Variants in MYO9A observed in about 807,000 individuals in gnomAD.
The protein encoded by MYO9A is unconventional myosin-IXa.
In MYO9A, 103 loss-of-function variants were observed where a neutral mutation model predicts 293.3. That is an observed-to-expected ratio of 0.35 (90% CI 0.30 to 0.41). MYO9A has a LOEUF of 0.41. Ranked by LOEUF, MYO9A falls within the 10% of genes least tolerant of loss-of-function variation. MYO9A has a pLI of 1.00. For missense variants in MYO9A, 2,685 were observed against 3,033.0 expected, an observed-to-expected ratio of 0.89 and a Z score of 2.69; for synonymous variants, 1,001 against 1,035.7, an observed-to-expected ratio of 0.97 and a Z score of 0.64.
At chr15:71,996,301 A>G (rs1346035173) in intron 9 of MYO9A, among the ~76,000 whole-genome samples, 2 of 152,186 alleles carry the variant, frequency 1.3e-5, no homozygotes, top group Admixed American at 6.5e-5. Context: ...TAGTTAAAAG[A>G]CCTTCAGACA....
chr15:72,080,435 A>T (rs979649425), intron 1 of MYO9A, among the ~76,000 whole-genome samples: 7 of 151,524 alleles, frequency 4.6e-5, no homozygotes, highest in Non-Finnish European at 1.0e-4. Flanking sequence ...GTTATGCAGC[A>T]ATTAGCCTAG....
intron 14 of MYO9A, among the ~76,000 whole-genome samples, chr15:71,958,264 AT>A (rs1414979788): frequency 1.3e-5 from 2 of 152,168 alleles, no homozygotes; most frequent in Admixed American, 1.3e-4. Context: ...CATTATAAAA[AT>A]TCTGGATCTA....
intron 13 of MYO9A, among the ~76,000 whole-genome samples, chr15:71,965,769 A>C (rs181292164): frequency 6.6e-5 from 10 of 152,100 alleles, no homozygotes; most frequent in Admixed American, 5.2e-4. Context: ...CAAAAACCCC[A>C]AAAACATTTA....
intron 40 of MYO9A, 54 bp downstream of exon 40, chr15:71,830,055 G>A (rs1328141012): frequency 1.9e-6 from 3 of 1,544,566 alleles, no homozygotes; most frequent in African/African-American, 1.4e-5. Flanking sequence ...ACGATAGAAG[G>A]AAGGAAACAA....
chr15:72,039,225 T>C (rs2078153417), intron 2 of MYO9A, among the ~76,000 whole-genome samples: 1 of 152,156 alleles, frequency 6.6e-6, no homozygotes, highest in East Asian at 1.9e-4. Flanking sequence ...TAGAAAGTAC[T>C]GTATTCACTC....
At chr15:71,906,027 G>A (rs1012244620) in intron 19 of MYO9A, among the ~76,000 whole-genome samples, 13 of 152,150 alleles carry the variant, frequency 8.5e-5, no homozygotes, top group African/African-American at 3.1e-4. Context: ...TGCTTTAGCT[G>A]CATTGCACAA....
intron 11 of MYO9A, among the ~76,000 whole-genome samples, chr15:71,990,576 A>G (rs1383193496): frequency 6.6e-6 from 1 of 152,048 alleles, no homozygotes; most frequent in Admixed American, 6.6e-5. Flanking sequence ...TAACACAGTG[A>G]AACCCCATCT....
chr15:72,094,266 G>A lies in MYO9A; in HGVS notation c.-72+23414C>T, dbSNP rs1429243541. On this transcript the variant is annotated intron_variant, in intron 1 of 41. Transcript: ENST00000356056. ...GAAAGAAGGAAGAGGAGGAGGAGGA[G>A]GAGGAATAAAAGAAAAAATACATAA... Among the ~76,000 whole-genome samples, 2 of 87,168 alleles carry A rather than the reference G, an allele frequency of 2.3e-5. 1 individual carries two copies. Among genetic ancestry groups the A allele is most frequent in the African/African-American group, 5.3e-5 (2 of 37,550 alleles). 57.2% of individuals were successfully genotyped at this position (87,168 alleles called of 152,430 possible).
intron 27 of MYO9A, 130 bp from the exon 28 acceptor site, chr15:71,883,866 G>A (rs1262697693): frequency 1.2e-6 from 1 of 813,000 alleles, no homozygotes; most frequent in Non-Finnish European, 1.8e-6. Flanking sequence ...TAAATTAAGT[G>A]TATTTATCTT....
Position 72,116,942 on chromosome 15 carries a change from G to A in MYO9A, c.-72+738C>T, listed in dbSNP as rs146859565. On this transcript the variant is annotated intron_variant, in intron 1 of 41. Transcript: ENST00000356056. ...CCAACCCCTCCAAACATGGGTCTCGGTCGGTCCCCTTAAGCCACAATGGAG... is the reference window on the plus strand; with the variant it reads ...CCAACCCCTCCAAACATGGGTCTCGATCGGTCCCCTTAAGCCACAATGGAG... The A allele has an allele frequency of 3.3e-5, 5 of 152,290 alleles. No individual in the cohort carries two copies. The East Asian group carries it at 9.6e-4, about 29-fold the overall frequency. 9.4% of individuals were successfully genotyped at this position (152,290 alleles called of 1,614,324 possible). A position where few individuals can be genotyped will look rare whatever the true frequency, so the allele number is the denominator to read the frequency against.
At chr15:71,943,910 G>T (rs774500992) in intron 15 of MYO9A, among the ~76,000 whole-genome samples, 1 of 152,068 alleles carries the variant, frequency 6.6e-6, no homozygotes, top group Non-Finnish European at 1.5e-5. Context: ...GAAACATATG[G>T]GAAAAATACG....
At chr15:71,965,035 T>C (rs1372561506) in intron 13 of MYO9A, among the ~76,000 whole-genome samples, 1 of 152,114 alleles carries the variant, frequency 6.6e-6, no homozygotes, top group Non-Finnish European at 1.5e-5. Flanking sequence ...TAAACTTTCC[T>C]ACATTCCTTG....
intron 10 of MYO9A, among the ~76,000 whole-genome samples, chr15:71,992,598 C>A (rs1596334519): frequency 6.6e-6 from 1 of 151,816 alleles, no homozygotes; most frequent in African/African-American, 2.4e-5. Context: ...TGTGAGTTTA[C>A]CTGAAGCATG....
chr15:72,086,867 A>C (rs1238344214), intron 1 of MYO9A, among the ~76,000 whole-genome samples: 2 of 152,064 alleles, frequency 1.3e-5, no homozygotes. Flanking sequence ...TCCCAGGTTC[A>C]AGCGATTCTC....
intron 33 of MYO9A, among the ~76,000 whole-genome samples, 178 bp from the exon 34 acceptor site, chr15:71,859,974 G>A (rs186005258): frequency 1.4e-3 from 210 of 152,114 alleles, no homozygotes; most frequent in African/African-American, 4.4e-3. Flanking sequence ...CATTCTATTG[G>A]GTATAATGAA....
At chr15:71,999,755 T>C in intron 9 of MYO9A, 96 bp downstream of exon 9, 4 of 854,782 alleles carry the variant, frequency 4.7e-6, no homozygotes, top group Non-Finnish European at 7.2e-6. Context: ...CTTTTTGCCA[T>C]TGTCATTTTC....
intron 8 of MYO9A, among the ~76,000 whole-genome samples, chr15:72,000,185 T>A (rs960246372): frequency 6.6e-6 from 1 of 152,226 alleles, no homozygotes; most frequent in Non-Finnish European, 1.5e-5. Context: ...ACATGTTTCA[T>A]TGTGCAGAAT....
At chr15:71,867,919 T>C (rs1377683853) in intron 32 of MYO9A, among the ~76,000 whole-genome samples, 3 of 151,814 alleles carry the variant, frequency 2.0e-5, no homozygotes, top group Non-Finnish European at 4.4e-5. Context: ...TAAGGAATGG[T>C]AGCCAGTTGT....
At chr15:71,893,905 ATAT>A in intron 25 of MYO9A, 127 bp from the exon 26 acceptor site, 1 of 734,148 alleles carries the variant, frequency 1.4e-6, no homozygotes, top group South Asian at 1.9e-5. Flanking sequence ...CAATTAAGTC[ATAT>A]TTTTTCTGCT....
Sources: gnomAD v4.1 joint callset for allele counts (sites outside exome capture counted in the v4.1 genomes callset) on GRCh38, gnomAD v4.1.1 for gene constraint, MANE v1.5 for transcripts, NCBI Gene and HGNC (gene_info 2026-07-23, HGNC 2026-07-21) for gene names.